The following FRMPD2 variants were observed in gnomAD, a reference collection of about 807,000 sequenced individuals.
FRMPD2 encodes FERM and PDZ domain-containing protein 2.
Under a neutral mutation model 140.1 loss-of-function variants are expected in FRMPD2, and 96 were observed. The ratio of observed to expected loss-of-function variants is 0.69; its 90% CI spans 0.58 to 0.81. FRMPD2 has a LOEUF of 0.81. Ranked by LOEUF, FRMPD2 falls within the 40% of genes least tolerant of loss-of-function variation. The pLI is 0.00. For missense variants in FRMPD2, 1,240 were observed against 1,447.4 expected, an observed-to-expected ratio of 0.86 and a Z score of 2.32; for synonymous variants, 449 against 547.6, an observed-to-expected ratio of 0.82 and a Z score of 2.52.
At chr10:48,194,403 A>G (rs1248266167) in intron 15 of FRMPD2, among the ~76,000 whole-genome samples, 3 of 152,186 alleles carry the variant, frequency 2.0e-5, no homozygotes, top group African/African-American at 7.2e-5. Context: ...GATTTATCTG[A>G]GACACACCCA....
intron 15 of FRMPD2, among the ~76,000 whole-genome samples, chr10:48,197,805 A>T (rs913001560): frequency 2.0e-5 from 3 of 152,194 alleles, no homozygotes; most frequent in African/African-American, 7.2e-5. Context: ...GCTGGTTATG[A>T]AAGGCCATAG....
At chr10:48,238,886 G>A (rs1840030617) in intron 7 of FRMPD2, among the ~76,000 whole-genome samples, 1 of 152,254 alleles carries the variant, frequency 6.6e-6, no homozygotes, top group Non-Finnish European at 1.5e-5. Flanking sequence ...TCCTTGAAAT[G>A]GGGCTGGCCT....
chr10:48,247,381 C>A (rs111887138), intron 3 of FRMPD2, among the ~76,000 whole-genome samples: 1 of 152,160 alleles, frequency 6.6e-6, no homozygotes, highest in Non-Finnish European at 1.5e-5. Context: ...AAGTGCAGAC[C>A]CTTCACTCAG....
chr10:48,258,423 C>G (rs899130545), intron 1 of FRMPD2, among the ~76,000 whole-genome samples: 4 of 152,204 alleles, frequency 2.6e-5, no homozygotes, highest in African/African-American at 9.6e-5. Flanking sequence ...CCCACAGCCC[C>G]TGATTTAAAT....
At chr10:48,184,087 AC>A (rs1383954389) in intron 20 of FRMPD2, among the ~76,000 whole-genome samples, 1 of 152,012 alleles carries the variant, frequency 6.6e-6, no homozygotes, top group African/African-American at 2.4e-5. Flanking sequence ...GTAATAACAA[AC>A]CTACACATGT....
rs77645658 is a variant in FRMPD2, at chr10:48,187,595, C to G, written c.2166-303G>C. Among the ~76,000 whole-genome samples the G allele has an allele frequency of 1.6e-4, 25 of 152,272 alleles. No individual in the cohort carries two copies. The East Asian group carries it at 4.2e-3, about 26-fold the overall frequency. Reference sequence around the variant, plus strand: ...TGTGCAAGATACGTGATCCTGTAAACCTCCATTTTTTCAACCATAAAATAA... The same window carrying G: ...TGTGCAAGATACGTGATCCTGTAAAGCTCCATTTTTTCAACCATAAAATAA... On this transcript the variant is annotated intron_variant, in intron 16 of 28. Coordinates refer to ENST00000374201, the MANE Select transcript of FRMPD2 (RefSeq NM_001018071.4).
intron 14 of FRMPD2, 39 bp downstream of exon 14, chr10:48,206,709 A>G (rs551746153): frequency 1.3e-6 from 2 of 1,561,692 alleles, no homozygotes; most frequent in African/African-American, 2.7e-5. Flanking sequence ...ATCAAAGGAA[A>G]ATGAAGTGCA....
chr10:48,269,768 G>A (rs563869818), intron 1 of FRMPD2, among the ~76,000 whole-genome samples: 11 of 152,298 alleles, frequency 7.2e-5, no homozygotes, highest in Admixed American at 2.0e-4. Context: ...TTAGTGAAGA[G>A]GGGGTCCTTA....
intron 15 of FRMPD2, among the ~76,000 whole-genome samples, chr10:48,193,233 T>C (rs1838879457): frequency 4.6e-5 from 7 of 152,190 alleles, no homozygotes; most frequent in Admixed American, 4.6e-4. Context: ...CGAAATCAGC[T>C]GCCCCATCCC....
chr10:48,208,985 A>G (rs1839261995), intron 13 of FRMPD2, among the ~76,000 whole-genome samples: 1 of 152,250 alleles, frequency 6.6e-6, no homozygotes, highest in African/African-American at 2.4e-5. Flanking sequence ...ACCTGTGGGT[A>G]TCTACCCTAA....
intron 15 of FRMPD2, among the ~76,000 whole-genome samples, chr10:48,195,063 C>A (rs1163521982): frequency 6.6e-6 from 1 of 152,176 alleles, no homozygotes; most frequent in Non-Finnish European, 1.5e-5. Flanking sequence ...AAGTCCAAGT[C>A]ACTTACAGTG....
At chr10:48,221,898 G>A (rs1317193810) in intron 12 of FRMPD2, among the ~76,000 whole-genome samples, 2 of 150,944 alleles carry the variant, frequency 1.3e-5, no homozygotes, top group Non-Finnish European at 3.0e-5. Flanking sequence ...AGATGGGTGG[G>A]TGAGTGGATG....
chr10:48,248,157 G>A (rs1044268577), intron 3 of FRMPD2, among the ~76,000 whole-genome samples: 3 of 152,208 alleles, frequency 2.0e-5, no homozygotes, highest in Non-Finnish European at 4.4e-5. Flanking sequence ...TCTCATGAAA[G>A]GGCGAGGAAG....
At chr10:48,168,541 A>T in intron 27 of FRMPD2, 54 bp downstream of exon 27, 1 of 668,898 alleles carries the variant, frequency 1.5e-6, no homozygotes, top group Non-Finnish European at 2.6e-6. Flanking sequence ...AGAGTCTGGA[A>T]AAGGGGGGCC....
At position 48,206,805 on chromosome 10, in the gene FRMPD2, G is replaced by A. The variant is rs779216748; in HGVS notation, c.1740C>T (p.Asn580=). Residue 580 remains asparagine, a synonymous_variant, in exon 14 of 29, where the codon AAC becomes AAT. Coordinates refer to ENST00000374201, the MANE Select transcript of FRMPD2 (RefSeq NM_001018071.4). ...KGVIVYEVKN[N]SRIAMLRFQW... ...GAAACCGTAACATTGCAATTCTGCT[G>A]TTGTTTTTCACTTCATAGACTATGA... is the stretch of plus-strand genomic sequence containing the variant. The A allele has an allele frequency of 7.4e-6, 12 of 1,613,938 alleles. No homozygotes were observed. Among genetic ancestry groups the A allele is most frequent in the South Asian group, 1.1e-5 (1 of 91,072 alleles).
chr10:48,232,350 G>C (rs1286307069), intron 9 of FRMPD2, 61 bp from the exon 10 acceptor site: 2 of 1,257,020 alleles, frequency 1.6e-6, no homozygotes, highest in Non-Finnish European at 2.2e-6. Flanking sequence ...TTTAGTGTGT[G>C]CTGGTTACTG....
chr10:48,200,354 T>C (rs755978851), intron 15 of FRMPD2, among the ~76,000 whole-genome samples: 26 of 152,062 alleles, frequency 1.7e-4, no homozygotes, highest in Non-Finnish European at 2.9e-4. Context: ...CTCAGCTGTA[T>C]CAACTAGTCA....
chr10:48,169,064 C>A (rs1466796723), intron 26 of FRMPD2, among the ~76,000 whole-genome samples: 1 of 149,728 alleles, frequency 6.7e-6, no homozygotes, highest in Non-Finnish European at 1.5e-5. Flanking sequence ...CTGCCAATAC[C>A]AATGCCTTTT....
At chr10:48,185,012 G>A in intron 18 of FRMPD2, 131 bp from the exon 19 acceptor site, 2 of 633,136 alleles carry the variant, frequency 3.2e-6, no homozygotes, top group South Asian at 2.1e-5. Context: ...CAGGTCTTCT[G>A]ATCCTCAAAT....
Sources: gnomAD v4.1 joint callset for allele counts (sites outside exome capture counted in the v4.1 genomes callset) on GRCh38, gnomAD v4.1.1 for gene constraint, MANE v1.5 for transcripts, NCBI Gene and HGNC (gene_info 2026-07-23, HGNC 2026-07-21) for gene names.